SLC16A10: variants seen among roughly 807,000 people sequenced by gnomAD.
SLC16A10 encodes the protein monocarboxylate transporter 10.
SLC16A10 carries 27 observed loss-of-function variants against 40.0 expected under a neutral mutation model. The observed-to-expected ratio is 0.67, with a 90% CI of 0.50 to 0.93. The LOEUF is 0.93. SLC16A10 is among the 40% of genes least tolerant of loss of function. The pLI, the probability that SLC16A10 is intolerant of heterozygous loss-of-function variation, is 0.00. For synonymous variants in SLC16A10, 213 were observed against 249.8 expected, an observed-to-expected ratio of 0.85 and a Z score of 1.39; for missense variants, 529 against 658.2, an observed-to-expected ratio of 0.80 and a Z score of 2.15.
rs1170737119 is a variant in SLC16A10 at position 111,222,241 on chromosome 6, T to G, written c.*6T>G. 6.3e-7 allele frequency: 1 copy of G among 1,592,354 alleles called. No individual in the cohort carries two copies. The highest frequency in any genetic ancestry group is 8.5e-7 in the Non-Finnish European group (1 of 1,174,144). On this transcript the variant is annotated 3_prime_UTR_variant, in exon 6 of 6. Transcript: ENST00000368851. ...AATCTGACTCTATTATTTAATATCT[T>G]ACATACCTCCACCAGACTGGACTTG... is the stretch of plus-strand genomic sequence containing the variant.
chr6:111,165,001 T>C (rs1483279918), intron 1 of SLC16A10, among the ~76,000 whole-genome samples: 1 of 152,224 alleles, frequency 6.6e-6, no homozygotes, highest in African/African-American at 2.4e-5. Context: ...CTAAGCCAAT[T>C]AATTAGAGCT....
intron 1 of SLC16A10, among the ~76,000 whole-genome samples, chr6:111,128,917 T>A (rs1771730956): frequency 7.8e-6 from 1 of 129,008 alleles, no homozygotes; most frequent in Non-Finnish European, 1.9e-5. Flanking sequence ...TCATTTCAAT[T>A]GTTTATTTTT....
intron 3 of SLC16A10, among the ~76,000 whole-genome samples, chr6:111,189,897 C>A (rs1477921198): frequency 1.3e-5 from 2 of 152,104 alleles, no homozygotes; most frequent in Non-Finnish European, 2.9e-5. Context: ...ATCATTCTGC[C>A]CCTGGCTCCT....
At chr6:111,125,641 C>G (rs774754426) in intron 1 of SLC16A10, among the ~76,000 whole-genome samples, 65 of 152,110 alleles carry the variant, frequency 4.3e-4, no homozygotes, top group Admixed American at 7.9e-4. Context: ...TTACAACTCT[C>G]TTTATTCTTG....
intron 1 of SLC16A10, among the ~76,000 whole-genome samples, chr6:111,098,726 A>G (rs931922843): frequency 6.6e-6 from 1 of 152,232 alleles, no homozygotes; most frequent in Non-Finnish European, 1.5e-5. Context: ...GCAACTTCAA[A>G]GCAGCATCTC....
intron 4 of SLC16A10, among the ~76,000 whole-genome samples, chr6:111,209,263 G>T (rs1376053827): frequency 6.6e-6 from 1 of 152,144 alleles, no homozygotes; most frequent in East Asian, 1.9e-4. Context: ...TATTAAAGTA[G>T]TCTAGGCATC....
rs181576228 is a variant in SLC16A10 at position 111,196,158 on chromosome 6, G to A, written c.943-10434G>A. Among the ~76,000 whole-genome samples the A allele has an allele frequency of 1.0e-3, 156 of 152,172 alleles. 1 individual carries two copies. The highest frequency in any genetic ancestry group is 3.7e-3 in the African/African-American group (155 of 41,526). On this transcript the variant is annotated intron_variant, in intron 3 of 5. Coordinates refer to ENST00000368851, the MANE Select transcript of SLC16A10 (RefSeq NM_018593.5). Reference sequence around the variant, plus strand: ...TCGAGACCAGACTGGCCAACATGGCGAAACCCTGTCTGTACTAAAAATACA... The same window carrying A: ...TCGAGACCAGACTGGCCAACATGGCAAAACCCTGTCTGTACTAAAAATACA...
At chr6:111,190,493 C>T (rs1772971889) in intron 3 of SLC16A10, among the ~76,000 whole-genome samples, 6 of 152,240 alleles carry the variant, frequency 3.9e-5, no homozygotes, top group Admixed American at 3.9e-4. Flanking sequence ...GCTCCAGTCC[C>T]ACATTTCCCT....
chr6:111,219,915 A>G (rs2114595802), intron 5 of SLC16A10, among the ~76,000 whole-genome samples: 1 of 152,250 alleles, frequency 6.6e-6, no homozygotes, highest in East Asian at 1.9e-4. Flanking sequence ...CCTTGTCTCT[A>G]CTAAAAATAA....
chr6:111,197,419 A>G (rs2114573587), intron 3 of SLC16A10, among the ~76,000 whole-genome samples: 1 of 152,352 alleles, frequency 6.6e-6, no homozygotes, highest in East Asian at 1.9e-4. Context: ...TAAAATTTCA[A>G]TAACCAACAG....
intron 2 of SLC16A10, 26 bp from the exon 3 acceptor site, chr6:111,177,186 T>C: frequency 7.1e-7 from 1 of 1,404,080 alleles, no homozygotes; most frequent in Non-Finnish European, 9.4e-7. Context: ...TGAAAGCTGC[T>C]TTCCATCTTT....
Position 111,223,495 on chromosome 6 carries a change from C to G in SLC16A10, c.*1260C>G, listed in dbSNP as rs533207936. 6.6e-6 allele frequency: 1 copy of G among 152,234 alleles called. No homozygotes were observed. Among genetic ancestry groups the G allele is most frequent in the African/African-American group, 2.4e-5 (1 of 41,550 alleles). 9.4% of individuals were successfully genotyped at this position (152,234 alleles called of 1,614,324 possible). On this transcript the variant is annotated 3_prime_UTR_variant, in exon 6 of 6. Coordinates refer to ENST00000368851, the MANE Select transcript of SLC16A10 (RefSeq NM_018593.5). ...TAAAATTATGCTTTAGTACTTGAGG[C>G]CTTTAAAAGTTAGTGCTTTTGATTG...
chr6:111,144,421 T>C (rs1772039877), intron 1 of SLC16A10, among the ~76,000 whole-genome samples: 1 of 152,192 alleles, frequency 6.6e-6, no homozygotes, highest in Non-Finnish European at 1.5e-5. Flanking sequence ...GCCAGGATGG[T>C]CTCGATCTCC....
At chr6:111,142,591 TA>T in intron 1 of SLC16A10, among the ~76,000 whole-genome samples, 1 of 152,200 alleles carries the variant, frequency 6.6e-6, no homozygotes, top group Admixed American at 6.5e-5. Flanking sequence ...TCAAAGAAGA[TA>T]TATAGATGGC....
At chr6:111,143,022 G>A (rs1023542560) in intron 1 of SLC16A10, among the ~76,000 whole-genome samples, 1 of 152,210 alleles carries the variant, frequency 6.6e-6, no homozygotes, top group African/African-American at 2.4e-5. Flanking sequence ...CAGAAATGGA[G>A]TACTCAGTGC....
intron 1 of SLC16A10, among the ~76,000 whole-genome samples, chr6:111,136,669 A>G (rs1562408656): frequency 2.0e-5 from 3 of 152,220 alleles, no homozygotes. Context: ...GGGACCTTCT[A>G]GTGGTTCCCT....
chr6:111,137,433 C>T (rs1471795772), intron 1 of SLC16A10, among the ~76,000 whole-genome samples: 1 of 152,184 alleles, frequency 6.6e-6, no homozygotes, highest in African/African-American at 2.4e-5. Flanking sequence ...TAATCCCCTG[C>T]ACTTCAGGCC....
At position 111,180,954 on chromosome 6, in the gene SLC16A10, C is replaced by G. The variant is rs548688772; in HGVS notation, c.942+3289C>G. On this transcript the variant is annotated intron_variant, in intron 3 of 5. Transcript: ENST00000368851. ...TCTGGGCCTGGTGCGGTGGCTCACC[C>G]CTGTAATCCCAGCACTTTGGGAGGC... Among the ~76,000 whole-genome samples the G allele has an allele frequency of 4.6e-5, 7 of 152,216 alleles. No individual in the cohort carries two copies. The South Asian group carries it at 1.2e-3, about 27-fold the overall frequency.
Position 111,218,855 on chromosome 6 carries a change from T to C in SLC16A10, c.1128T>C (p.Ile376=). 1 of 1,614,190 alleles carries C rather than the reference T, an allele frequency of 6.2e-7. No homozygotes were observed. The highest frequency in any genetic ancestry group is 8.5e-7 in the Non-Finnish European group (1 of 1,180,040). ...FFFIGLMSMM[I]PLCSIFGALI... ...TCATTGGTCTGATGTCCATGATGAT[T>C]CCTCTGTGTAGCATCTTTGGGGCCC... The change falls in exon 5 of 6, where the codon ATT becomes ATC. Residue 376 remains isoleucine (I), a synonymous_variant. Transcript: ENST00000368851.
Sources: allele counts gnomAD v4.1 joint callset (sites outside exome capture counted in the v4.1 genomes callset), GRCh38; gene constraint gnomAD v4.1.1; transcripts MANE v1.5; gene names NCBI Gene and HGNC (gene_info 2026-07-23, HGNC 2026-07-21).